XCR1: variants seen among roughly 807,000 people sequenced by gnomAD.
XCR1 encodes the protein X-C motif chemokine receptor 1.
For synonymous variants in XCR1, 187 were observed against 188.5 expected (o/e 0.99, Z 0.06); for missense variants, 356 against 424.2 (o/e 0.84, Z 1.41).
intron 1 of XCR1, chr3:46,023,354 G>A (rs1708206541): frequency 1.0e-5 from 14 of 1,379,806 alleles, no homozygotes; most frequent in African/African-American, 2.9e-5. Context: ...CGAGCCGACC[G>A]TTTATTAGCT....
chr3:46,067,887 T>C (rs1698104711), intron 3 of XCR1, among the ~76,000 whole-genome samples: 1 of 152,116 alleles, frequency 6.6e-6, no homozygotes, highest in Admixed American at 6.5e-5. Context: ...GGACTCTGGC[T>C]CAAGAGGGGA....
chr3:46,022,106 C>G, intron 1 of XCR1, 128 bp from the exon 2 acceptor site: 1 of 807,650 alleles, frequency 1.2e-6, no homozygotes, highest in Non-Finnish European at 1.9e-6. Context: ...TTGAGACCAT[C>G]CCAGGCAATA....
At chr3:46,070,210 C>G (rs1256424636) in intron 3 of XCR1, among the ~76,000 whole-genome samples, 1 of 152,076 alleles carries the variant, frequency 6.6e-6, no homozygotes, top group South Asian at 2.1e-4. Context: ...CACAGATGAT[C>G]TATCTTGGAG....
At chr3:46,041,532 C>T (rs201872958) in intron 5 of XCR1, among the ~76,000 whole-genome samples, 2 of 152,286 alleles carry the variant, frequency 1.3e-5, no homozygotes, top group African/African-American at 2.4e-5. Context: ...GACCTTCCCA[C>T]GAAGCCCCTC....
At chr3:46,071,063 C>G (rs55892227) in intron 3 of XCR1, among the ~76,000 whole-genome samples, 4,638 of 152,058 alleles carry the variant, frequency 0.031, 241 homozygotes, top group African/African-American at 0.1. Flanking sequence ...TCCAAATAAA[C>G]ATACTCAGAA....
intron 1 of XCR1, among the ~76,000 whole-genome samples, chr3:46,080,648 A>T (rs1367710136): frequency 6.6e-6 from 1 of 152,218 alleles, no homozygotes; most frequent in Non-Finnish European, 1.5e-5. Flanking sequence ...AGGAGCTCTC[A>T]AGAAGGAAAT....
intron 1 of XCR1, chr3:46,023,823 A>G (rs1437658885): frequency 1.3e-6 from 2 of 1,528,730 alleles, no homozygotes; most frequent in Non-Finnish European, 1.8e-6. Flanking sequence ...CCAAAATTGC[A>G]GATTTGAAGA....
chr3:46,027,656 A>G (rs1341312867), upstream of XCR1: 1 of 152,210 alleles, frequency 6.6e-6, no homozygotes, highest in East Asian at 1.9e-4. Context: ...AACCAAGAAC[A>G]GCCTGAAAAT....
At chr3:46,073,107 TA>T (rs943451622) in intron 3 of XCR1, among the ~76,000 whole-genome samples, 2 of 151,886 alleles carry the variant, frequency 1.3e-5, no homozygotes, top group African/African-American at 4.8e-5. Flanking sequence ...TCTCACCACA[TA>T]AAAAAATCAA....
upstream of XCR1, among the ~76,000 whole-genome samples, chr3:46,031,790 C>T (rs1243484712): frequency 2.6e-5 from 4 of 152,230 alleles, no homozygotes; most frequent in African/African-American, 4.8e-5. Flanking sequence ...ACCCTGGACT[C>T]AGCCAGATTT....
intron 5 of XCR1, among the ~76,000 whole-genome samples, chr3:46,049,624 T>C (rs539476536): frequency 6.6e-6 from 1 of 150,970 alleles, no homozygotes; most frequent in Non-Finnish European, 1.5e-5. Context: ...CTCTAACACC[T>C]GAATGACTGC....
intron 5 of XCR1, among the ~76,000 whole-genome samples, chr3:46,052,411 T>C (rs1191778627): frequency 6.6e-6 from 1 of 152,164 alleles, no homozygotes; most frequent in African/African-American, 2.4e-5. Flanking sequence ...AAATTTTGAG[T>C]GGCACTGATT....
chr3:46,037,110 G>T (rs1369414058), intron 5 of XCR1, among the ~76,000 whole-genome samples: 1 of 152,048 alleles, frequency 6.6e-6, no homozygotes, highest in Non-Finnish European at 1.5e-5. Context: ...TATCTGGTAG[G>T]CAGTTGAGGG....
At chr3:46,058,845 G>A (rs1312091644) in intron 4 of XCR1, among the ~76,000 whole-genome samples, 1 of 152,214 alleles carries the variant, frequency 6.6e-6, no homozygotes, top group African/African-American at 2.4e-5. Flanking sequence ...GATTACAAGT[G>A]TGAGCCATGA....
In XCR1 at chr3:46,020,855, G is replaced by A; in HGVS notation, c.*91C>T. The A allele has an allele frequency of 4.0e-6, 6 of 1,489,470 alleles. No individual in the cohort carries two copies. The highest frequency in any genetic ancestry group is 5.4e-6 in the Non-Finnish European group (6 of 1,118,220). The allele number at this position is 1,489,470 out of a possible 1,614,324, so 92.3% of individuals were successfully genotyped here. A position where few individuals can be genotyped will look rare whatever the true frequency, so the allele number is the denominator to read the frequency against. ...GGAGGAGACGTCTCCACCCTGCTGTGTTCTGCAATGCTCCTTCCAGGCCCG... is the reference window on the plus strand; with the variant it reads ...GGAGGAGACGTCTCCACCCTGCTGTATTCTGCAATGCTCCTTCCAGGCCCG... On this transcript the variant is annotated 3_prime_UTR_variant, in exon 2 of 2. Coordinates refer to ENST00000309285, the MANE Select transcript of XCR1 (RefSeq NM_001024644.2).
chr3:46,064,490 A>C (rs1698025559), intron 4 of XCR1, among the ~76,000 whole-genome samples: 1 of 152,180 alleles, frequency 6.6e-6, no homozygotes, highest in African/African-American at 2.4e-5. Flanking sequence ...CTGAGAGATG[A>C]AGTCCAATTC....
chr3:46,027,920 A>C (rs1708329149), upstream of XCR1, among the ~76,000 whole-genome samples: 1 of 152,152 alleles, frequency 6.6e-6, no homozygotes, highest in Non-Finnish European at 1.5e-5. Flanking sequence ...TCAGCCCCTG[A>C]TTGGTCCTGG....
At chr3:46,084,171 A>G (rs1441771881) in intron 1 of XCR1, among the ~76,000 whole-genome samples, 1 of 152,138 alleles carries the variant, frequency 6.6e-6, no homozygotes, top group African/African-American at 2.4e-5. Flanking sequence ...GTGCTCTTAA[A>G]ATTCCTCACT....
intron 5 of XCR1, among the ~76,000 whole-genome samples, chr3:46,047,728 A>G (rs1333196618): frequency 6.6e-6 from 1 of 152,252 alleles, no homozygotes; most frequent in Non-Finnish European, 1.5e-5. Flanking sequence ...TGGGTGGCAG[A>G]CTGGGATTGG....
Sources: gnomAD v4.1 joint callset for allele counts (sites outside exome capture counted in the v4.1 genomes callset) on GRCh38, gnomAD v4.1.1 for gene constraint, MANE v1.5 for transcripts, NCBI Gene and HGNC (gene_info 2026-07-23, HGNC 2026-07-21) for gene names.